Variants in CYP46A1 observed in about 807,000 individuals in gnomAD.
CYP46A1 encodes the protein cholesterol 24-hydroxylase.
Under a neutral mutation model 63.3 loss-of-function variants are expected in CYP46A1, and 20 were observed. The observed-to-expected ratio is 0.32, with a 90% CI of 0.22 to 0.46. The LOEUF is 0.46. CYP46A1 is among the 20% of genes least tolerant of loss of function. The probability of loss-of-function intolerance (pLI) is 1.00; values close to 1 mark genes in which losing one functional copy is unlikely to be tolerated. For synonymous variants in CYP46A1, 268 were observed against 273.6 expected (o/e 0.98, Z 0.20); for missense variants, 445 against 670.8 (o/e 0.66, Z 3.72).
At chr14:99,689,397 G>A (rs2056524110) in intron 1 of CYP46A1, among the ~76,000 whole-genome samples, 1 of 152,234 alleles carries the variant, frequency 6.6e-6, no homozygotes, top group South Asian at 2.1e-4. Context: ...GGGGAAACAG[G>A]TGCAATTCCC....
At position 99,684,329 on chromosome 14, in the gene CYP46A1, C is replaced by T. The variant is rs916438851; in HGVS notation, c.-89C>T. On this transcript the variant is annotated 5_prime_UTR_variant, in exon 1 of 15. Coordinates refer to ENST00000261835, the MANE Select transcript of CYP46A1 (RefSeq NM_006668.2). ...CGCCTGGCCTGGGGCCGAGGCGGCG[C>T]GCGGCGCTGACAGCTGAGTCGGCTC... 29 of 744,784 alleles carry T rather than the reference C, an allele frequency of 3.9e-5. No individual in the cohort carries two copies. The highest frequency in any genetic ancestry group is 4.8e-5 in the Non-Finnish European group (27 of 559,766). 46.1% of individuals were successfully genotyped at this position (744,784 alleles called of 1,614,324 possible).
chr14:99,715,140 A>G (rs1487642359), intron 7 of CYP46A1, among the ~76,000 whole-genome samples: 1 of 152,174 alleles, frequency 6.6e-6, no homozygotes, highest in Non-Finnish European at 1.5e-5. Flanking sequence ...AAACAGGGAG[A>G]TTTGAAATGT....
intron 3 of CYP46A1, among the ~76,000 whole-genome samples, chr14:99,695,050 G>A (rs2056575526): frequency 6.6e-6 from 1 of 152,090 alleles, no homozygotes; most frequent in East Asian, 1.9e-4. Flanking sequence ...TTGAACCATG[G>A]ATTATTTGGA....
In CYP46A1 at chr14:99,699,511, C is replaced by G. The variant is rs917555997; in HGVS notation, c.328C>G (p.Arg110Gly). 3 of 1,613,986 alleles carry G rather than the reference C, an allele frequency of 1.9e-6. No homozygotes were observed. The highest frequency in any genetic ancestry group is 2.5e-6 in the Non-Finnish European group (3 of 1,180,026). Reference protein sequence around the residue: ...TKYNKDSKMYRALQTVFGERL... With the variant: ...TKYNKDSKMYGALQTVFGERL... ...GTACAACAAGGACTCCAAGATGTACCGTGCGCTCCAGACTGTGTTTGGTGA... is the reference window on the plus strand; with the variant it reads ...GTACAACAAGGACTCCAAGATGTACGGTGCGCTCCAGACTGTGTTTGGTGA... Residue 110 changes from arginine to glycine, a missense_variant, in exon 4 of 15, where the codon CGT (arginine) becomes GGT (glycine). Arg to Gly is a moderately radical substitution (Grantham distance 125, BLOSUM62 -2). Transcript: ENST00000261835.
At chr14:99,726,315 C>G (rs2056896933) in intron 14 of CYP46A1, 59 bp downstream of exon 14, 1 of 1,559,794 alleles carries the variant, frequency 6.4e-7, no homozygotes, top group African/African-American at 1.4e-5. Context: ...GGGGCTCATC[C>G]TGAGCCGGGA....
chr14:99,688,146 CTG>C (rs2056511248), intron 1 of CYP46A1, among the ~76,000 whole-genome samples: 1 of 152,110 alleles, frequency 6.6e-6, no homozygotes, highest in Non-Finnish European at 1.5e-5. Context: ...TGACTCAAAA[CTG>C]AGAACATTCC....
Position 99,721,319 on chromosome 14 carries a change from C to G in CYP46A1, c.1061C>G (p.Ser354Cys). The G allele has an allele frequency of 6.2e-7, 1 of 1,606,648 alleles. No individual in the cohort carries two copies. The highest frequency in any genetic ancestry group is 8.5e-7 in the Non-Finnish European group (1 of 1,173,266). Reference protein sequence around the residue: ...FEDLGRLQYLSQVLKESLRLY... With the variant: ...FEDLGRLQYLCQVLKESLRLY... Reference sequence around the variant, plus strand: ...GACCTGGGGAGACTGCAGTACCTGTCCCAGGTGTGGGAAGTAGGAGGGAAG... The same window carrying G: ...GACCTGGGGAGACTGCAGTACCTGTGCCAGGTGTGGGAAGTAGGAGGGAAG... Residue 354 changes from serine (S) to cysteine (C), a missense_variant, in exon 11 of 15, where the codon TCC becomes TGC. Coordinates refer to ENST00000261835, the MANE Select transcript of CYP46A1 (RefSeq NM_006668.2).
At chr14:99,690,864 A>T (rs1264743051) in intron 1 of CYP46A1, among the ~76,000 whole-genome samples, 1 of 152,048 alleles carries the variant, frequency 6.6e-6, no homozygotes, top group Non-Finnish European at 1.5e-5. Context: ...CAGGAAAAAA[A>T]ACTGTTTCTT....
Position 99,708,329 on chromosome 14 carries a change from C to T in CYP46A1, c.693+651C>T, listed in dbSNP as rs188511307. ...CTACCATGACTGCTGCCACCAGCGC[C>T]TGCCACTGAGAGGGCCTGAGGAGAG... On this transcript the variant is annotated intron_variant, in intron 7 of 14. Transcript: ENST00000261835. 8.6e-5 allele frequency: 14 copies of T among 162,000 alleles called. No homozygotes were observed. The East Asian group carries it at 2.7e-3, about 31-fold the overall frequency. 10.0% of individuals were successfully genotyped at this position (162,000 alleles called of 1,614,324 possible). A position where few individuals can be genotyped will look rare whatever the true frequency, so the allele number is the denominator to read the frequency against.
At chr14:99,721,418 A>T in intron 11 of CYP46A1, 95 bp downstream of exon 11, 1 of 890,982 alleles carries the variant, frequency 1.1e-6, no homozygotes, top group South Asian at 1.4e-5. Flanking sequence ...GTGGTTCTCA[A>T]ACTTTGCTGC....
chr14:99,684,712 C>T, intron 1 of CYP46A1, 176 bp downstream of exon 1: 1 of 666,418 alleles, frequency 1.5e-6, no homozygotes, highest in East Asian at 3.0e-5. Context: ...CTCACAGCCG[C>T]AGCAGCTGCT....
chr14:99,699,721 C>G (rs1477573221), intron 4 of CYP46A1, among the ~76,000 whole-genome samples, 182 bp downstream of exon 4: 2 of 152,172 alleles, frequency 1.3e-5, no homozygotes, highest in East Asian at 3.9e-4. Flanking sequence ...CTCCTTCTCC[C>G]CCAACCTCCA....
At position 99,724,499 on chromosome 14, in the gene CYP46A1, C is replaced by G. The variant is rs188300209; in HGVS notation, c.1177-892C>G. Reference sequence around the variant, plus strand: ...ACAGCCAGCAGGGGAAGCCCTGTGGCTCACTCTCAGCCTGGGGGTGCCACC... The same window carrying G: ...ACAGCCAGCAGGGGAAGCCCTGTGGGTCACTCTCAGCCTGGGGGTGCCACC... On this transcript the variant is annotated intron_variant, in intron 12 of 14. Coordinates refer to ENST00000261835, the MANE Select transcript of CYP46A1 (RefSeq NM_006668.2). Among the ~76,000 whole-genome samples, 10 of 152,364 alleles carry G rather than the reference C, an allele frequency of 6.6e-5. No homozygotes were observed. The East Asian group carries it at 1.9e-3, about 29-fold the overall frequency.
At chr14:99,724,718 G>A (rs1046970730) in intron 12 of CYP46A1, among the ~76,000 whole-genome samples, 2 of 152,294 alleles carry the variant, frequency 1.3e-5, no homozygotes, top group East Asian at 3.9e-4. Context: ...CCCCCACACC[G>A]GATGTTCCCA....
chr14:99,684,627 G>A, intron 1 of CYP46A1, 91 bp downstream of exon 1: 2 of 1,168,658 alleles, frequency 1.7e-6, no homozygotes, highest in East Asian at 2.8e-5. Flanking sequence ...CGGGGGTCCG[G>A]CCTCGCCTAG....
chr14:99,706,857 C>T lies in CYP46A1; in HGVS notation c.582+72C>T, dbSNP rs745413244. On this transcript the variant is annotated intron_variant, in intron 6 of 14. Transcript: ENST00000261835. ...TAGAGGGGTCTCTTCTCTCCCTCTT[C>T]CCTTCTCTCTTCCCCTCCCTCCTGC... The T allele has an allele frequency of 1.2e-4, 189 of 1,535,368 alleles. 2 individuals carry two copies. Among genetic ancestry groups the T allele is most frequent in the Non-Finnish European group, 1.6e-4 (184 of 1,138,022 alleles).
intron 1 of CYP46A1, chr14:99,684,773 C>A (rs1016011233): frequency 4.9e-6 from 3 of 615,864 alleles, no homozygotes; most frequent in Non-Finnish European, 9.1e-6. Flanking sequence ...GCAGCCACAG[C>A]CCTTTCAGGT....
chr14:99,717,294 C>T (rs2056798892), intron 9 of CYP46A1, among the ~76,000 whole-genome samples: 1 of 152,138 alleles, frequency 6.6e-6, no homozygotes, highest in Admixed American at 6.5e-5. Context: ...GCCCTGCGTC[C>T]AGATGCTATG....
intron 2 of CYP46A1, 135 bp downstream of exon 2, chr14:99,691,296 CCT>C (rs1254895182): frequency 1.2e-6 from 1 of 849,782 alleles, no homozygotes; most frequent in Non-Finnish European, 1.9e-6. Context: ...CAGTTCCTCC[CCT>C]GAGTGGAGGC....
Sources: allele counts gnomAD v4.1 joint callset (sites outside exome capture counted in the v4.1 genomes callset), GRCh38; gene constraint gnomAD v4.1.1; transcripts MANE v1.5; gene names NCBI Gene and HGNC (gene_info 2026-07-23, HGNC 2026-07-21).